Variants in STXBP6 observed in about 807,000 individuals in gnomAD.
STXBP6 encodes the protein syntaxin-binding protein 6.
STXBP6 carries 21 observed loss-of-function variants against 26.9 expected under a neutral mutation model. The observed-to-expected ratio is 0.78, with a 90% CI of 0.55 to 1.12. The LOEUF is 1.12. Ranked by LOEUF, STXBP6 falls within the 50% of genes most tolerant of loss-of-function variation. The pLI, the probability that STXBP6 is intolerant of heterozygous loss-of-function variation, is 0.00. For synonymous variants in STXBP6, 97 were observed against 92.6 expected, an observed-to-expected ratio of 1.05 and a Z score of -0.27; for missense variants, 232 against 257.9, an observed-to-expected ratio of 0.90 and a Z score of 0.69.
chr14:25,005,417 C>T (rs1307666798), intron 1 of STXBP6, among the ~76,000 whole-genome samples: 4 of 152,198 alleles, frequency 2.6e-5, no homozygotes, highest in Non-Finnish European at 5.9e-5. Flanking sequence ...CTGCAATCAT[C>T]TGAAATACTG....
At chr14:24,882,698 T>G (rs555375659) in intron 2 of STXBP6, among the ~76,000 whole-genome samples, 1 of 152,180 alleles carries the variant, frequency 6.6e-6, no homozygotes, top group Non-Finnish European at 1.5e-5. Context: ...AGGGAATACA[T>G]TCATAAATAA....
At chr14:24,988,574 C>A (rs2074390906) in intron 1 of STXBP6, among the ~76,000 whole-genome samples, 1 of 152,190 alleles carries the variant, frequency 6.6e-6, no homozygotes, top group Admixed American at 6.5e-5. Flanking sequence ...GCAGGTAGAT[C>A]TGCTTCAAGA....
At chr14:25,047,923 C>T (rs79310456) in intron 1 of STXBP6, among the ~76,000 whole-genome samples, 9,468 of 152,276 alleles carry the variant, frequency 0.062, 382 homozygotes, top group East Asian at 0.16. Context: ...GCCTTTCTGA[C>T]CGTGCCAATT....
At chr14:24,969,332 T>G (rs945931701) in intron 2 of STXBP6, among the ~76,000 whole-genome samples, 1 of 152,060 alleles carries the variant, frequency 6.6e-6, no homozygotes, top group East Asian at 1.9e-4. Context: ...ATATAAAGAG[T>G]AGCATCATAT....
At chr14:24,948,051 C>T (rs1466072353) in intron 2 of STXBP6, among the ~76,000 whole-genome samples, 1 of 152,116 alleles carries the variant, frequency 6.6e-6, no homozygotes, top group South Asian at 2.1e-4. Context: ...GTATCCTTTG[C>T]CTTAGTATTA....
chr14:24,846,791 A>T (rs2068978689), intron 4 of STXBP6, among the ~76,000 whole-genome samples: 1 of 152,172 alleles, frequency 6.6e-6, no homozygotes, highest in African/African-American at 2.4e-5. Flanking sequence ...TAGATTTTTA[A>T]ATCAATGTCC....
chr14:24,903,517 TAAAC>T (rs2071285689), intron 2 of STXBP6, among the ~76,000 whole-genome samples: 3 of 152,314 alleles, frequency 2.0e-5, no homozygotes, highest in African/African-American at 7.2e-5. Flanking sequence ...AACAGTCCCT[TAAAC>T]AAAGTTCTTA....
chr14:24,835,443 CA>C (rs1166212154), intron 4 of STXBP6, among the ~76,000 whole-genome samples: 1 of 151,974 alleles, frequency 6.6e-6, no homozygotes, highest in East Asian at 1.9e-4. Flanking sequence ...GTTTATTTAA[CA>C]AAAACAAATC....
In STXBP6 at chr14:24,927,280, A is replaced by T. The variant is rs186945322; in HGVS notation, c.154+47385T>A. 3.3e-5 allele frequency among the ~76,000 whole-genome samples: 5 copies of T among 152,284 alleles called. No homozygotes were observed. The East Asian group carries it at 9.7e-4, about 30-fold the overall frequency. On this transcript the variant is annotated intron_variant, in intron 2 of 5. Coordinates refer to ENST00000323944, the MANE Select transcript of STXBP6 (RefSeq NM_001394410.1). ...CCTTGTTCCCTGGCTCACTCTCCAG[A>T]GGGTCCTTCTGCACCCACCCTCCTG... is the stretch of plus-strand genomic sequence containing the variant.
intron 2 of STXBP6, among the ~76,000 whole-genome samples, chr14:24,882,239 C>A (rs71407999): frequency 6.7e-6 from 1 of 149,716 alleles, no homozygotes; most frequent in South Asian, 2.1e-4. Flanking sequence ...ATTAGCCGGG[C>A]GTAGTGGCGG....
At chr14:25,002,666 T>C (rs2074792525) in intron 1 of STXBP6, among the ~76,000 whole-genome samples, 1 of 151,412 alleles carries the variant, frequency 6.6e-6, no homozygotes, top group Non-Finnish European at 1.5e-5. Context: ...GCCATTCTTA[T>C]GACTTTCTAA....
intron 1 of STXBP6, among the ~76,000 whole-genome samples, chr14:25,023,578 G>A (rs190617031): frequency 6.9e-4 from 105 of 152,238 alleles, no homozygotes; most frequent in African/African-American, 2.0e-3. Flanking sequence ...GAAGGCTGAG[G>A]TGAGAGGATT....
At chr14:25,026,309 G>GAA (rs569808454) in intron 1 of STXBP6, among the ~76,000 whole-genome samples, 115 of 151,712 alleles carry the variant, frequency 7.6e-4, no homozygotes, top group Non-Finnish European at 1.3e-3. Context: ...GTTGTCAACT[G>GAA]AAAAAAAAGC....
chr14:24,818,653 C>G (rs760353249), intron 5 of STXBP6, among the ~76,000 whole-genome samples: 12 of 152,304 alleles, frequency 7.9e-5, no homozygotes, highest in Middle Eastern at 3.4e-3. Context: ...CAAGCACGAG[C>G]AGCCTCACGT....
chr14:24,866,561 A>C (rs1430901879), intron 2 of STXBP6, among the ~76,000 whole-genome samples: 5 of 152,184 alleles, frequency 3.3e-5, no homozygotes, highest in African/African-American at 1.2e-4. Context: ...AAAAGAATAA[A>C]ATGCTTAGGC....
intron 4 of STXBP6, among the ~76,000 whole-genome samples, chr14:24,850,577 T>C (rs1317456086): frequency 6.6e-6 from 1 of 152,142 alleles, no homozygotes; most frequent in East Asian, 1.9e-4. Flanking sequence ...GCTAATTTCA[T>C]CTTGCCCTTG....
At chr14:24,994,053 A>G (rs1219119186) in intron 1 of STXBP6, among the ~76,000 whole-genome samples, 1 of 152,150 alleles carries the variant, frequency 6.6e-6, no homozygotes, top group East Asian at 1.9e-4. Flanking sequence ...CAGCCATCAA[A>G]TATCCCAGGT....
At chr14:24,830,581 T>C (rs1008846117) in intron 4 of STXBP6, among the ~76,000 whole-genome samples, 6 of 152,198 alleles carry the variant, frequency 3.9e-5, no homozygotes, top group Admixed American at 3.9e-4. Flanking sequence ...GGTGAACAGA[T>C]ATGAGAATCA....
chr14:25,032,315 T>A (rs74037467), intron 1 of STXBP6, among the ~76,000 whole-genome samples: 3,134 of 152,252 alleles, frequency 0.021, 125 homozygotes, highest in African/African-American at 0.07. Flanking sequence ...ACACAGAGGA[T>A]CAAGATCAAG....
Sources: gnomAD v4.1 joint callset for allele counts (sites outside exome capture counted in the v4.1 genomes callset) on GRCh38, gnomAD v4.1.1 for gene constraint, MANE v1.5 for transcripts, NCBI Gene and HGNC (gene_info 2026-07-23, HGNC 2026-07-21) for gene names.